Variants in CPQ observed in about 807,000 individuals in gnomAD.
CPQ encodes Ser-Met dipeptidase.
Under a neutral mutation model 45.7 loss-of-function variants are expected in CPQ, and 37 were observed. That is an observed-to-expected ratio of 0.81 (90% CI 0.62 to 1.07). The LOEUF is 1.07. Among genes scored for constraint, CPQ ranks in the 50% least tolerant of loss-of-function variants. The pLI is 0.00. For missense variants in CPQ, 537 were observed against 572.9 expected (o/e 0.94, Z 0.64); for synonymous variants, 186 against 205.8 (o/e 0.90, Z 0.82).
At chr8:96,882,290 G>T (rs1812235120) in intron 4 of CPQ, among the ~76,000 whole-genome samples, 1 of 152,220 alleles carries the variant, frequency 6.6e-6, no homozygotes, top group South Asian at 2.1e-4. Flanking sequence ...TAGAGAAACG[G>T]TGGTTTCAAA....
At chr8:97,001,721 CTTTTTTTTT>C (rs61282246) in intron 5 of CPQ, among the ~76,000 whole-genome samples, 12 of 92,068 alleles carry the variant, frequency 1.3e-4, no homozygotes, top group African/African-American at 2.2e-4. Flanking sequence ...TTCTTTCTTT[CTTTTTTTTT>C]TTTTTTTTTT....
chr8:97,052,895 G>A (rs891690838), intron 6 of CPQ, among the ~76,000 whole-genome samples: 2 of 152,136 alleles, frequency 1.3e-5, no homozygotes, highest in South Asian at 2.1e-4. Context: ...GTAAACATTT[G>A]TATATTATTA....
chr8:96,840,789 A>G (rs898451480), intron 3 of CPQ, among the ~76,000 whole-genome samples: 1 of 152,234 alleles, frequency 6.6e-6, no homozygotes, highest in African/African-American at 2.4e-5. Flanking sequence ...GGGAAGGAGT[A>G]GGGGTCCAAG....
chr8:96,885,399 C>T (rs1255182174), intron 4 of CPQ, among the ~76,000 whole-genome samples: 1 of 152,166 alleles, frequency 6.6e-6, no homozygotes, highest in Non-Finnish European at 1.5e-5. Flanking sequence ...AACACATGAA[C>T]TTTCGGGTGA....
chr8:96,649,977 A>G (rs1365371530), intron 1 of CPQ, among the ~76,000 whole-genome samples: 1 of 152,244 alleles, frequency 6.6e-6, no homozygotes, highest in Non-Finnish European at 1.5e-5. Flanking sequence ...AGGAACAAAG[A>G]TAAGGAAATG....
chr8:97,054,918 T>C (rs927470278), intron 6 of CPQ, among the ~76,000 whole-genome samples: 1 of 152,202 alleles, frequency 6.6e-6, no homozygotes, highest in South Asian at 2.1e-4. Context: ...CCTAAAGTTA[T>C]TGAAATAACA....
At chr8:96,838,067 T>C (rs573006720) in intron 3 of CPQ, among the ~76,000 whole-genome samples, 5 of 152,298 alleles carry the variant, frequency 3.3e-5, no homozygotes, top group African/African-American at 1.2e-4. Flanking sequence ...CACACACTTA[T>C]GAGTTTCTTC....
At chr8:96,723,213 G>T (rs954041901) in intron 1 of CPQ, among the ~76,000 whole-genome samples, 2 of 152,008 alleles carry the variant, frequency 1.3e-5, no homozygotes, top group Non-Finnish European at 2.9e-5. Context: ...AAAAAATTGG[G>T]TCTACTGGTT....
intron 5 of CPQ, among the ~76,000 whole-genome samples, chr8:97,014,633 C>A (rs1433010121): frequency 7.0e-6 from 1 of 143,280 alleles, no homozygotes; most frequent in African/African-American, 2.6e-5. Flanking sequence ...CAGAGGGAGA[C>A]TCCATCTCAA....
intron 1 of CPQ, among the ~76,000 whole-genome samples, chr8:96,697,921 A>G (rs929334251): frequency 1.3e-5 from 2 of 152,168 alleles, no homozygotes; most frequent in African/African-American, 2.4e-5. Flanking sequence ...TAAAATTTCC[A>G]TACTGTCCAA....
At chr8:96,661,639 A>T (rs1815703246) in intron 1 of CPQ, among the ~76,000 whole-genome samples, 1 of 152,092 alleles carries the variant, frequency 6.6e-6, no homozygotes, top group South Asian at 2.1e-4. Flanking sequence ...TTTAGCTCTG[A>T]ATAATATTCC....
chr8:96,660,485 A>G (rs1815687078), intron 1 of CPQ, among the ~76,000 whole-genome samples: 1 of 152,186 alleles, frequency 6.6e-6, no homozygotes, highest in Non-Finnish European at 1.5e-5. Context: ...AATTTAGCCC[A>G]TAACACCGAC....
intron 7 of CPQ, among the ~76,000 whole-genome samples, chr8:97,102,468 G>A (rs182069394): frequency 5.9e-5 from 9 of 152,232 alleles, no homozygotes; most frequent in East Asian, 5.8e-4. Flanking sequence ...AATTGAAGGC[G>A]GCTGCTTTAC....
chr8:97,043,081 T>C (rs1413587183), intron 6 of CPQ, among the ~76,000 whole-genome samples: 5 of 152,014 alleles, frequency 3.3e-5, no homozygotes, highest in African/African-American at 9.7e-5. Flanking sequence ...ATGTTGACAG[T>C]GGGGTGTTAA....
At chr8:97,053,025 A>G (rs1244058613) in intron 6 of CPQ, among the ~76,000 whole-genome samples, 1 of 152,214 alleles carries the variant, frequency 6.6e-6, no homozygotes, top group African/African-American at 2.4e-5. Context: ...ATGTTATTTT[A>G]TCACCAACAT....
chr8:97,126,432 C>T (rs923303137), intron 7 of CPQ, among the ~76,000 whole-genome samples: 6 of 152,240 alleles, frequency 3.9e-5, no homozygotes, highest in Admixed American at 1.3e-4. Context: ...ACCCTCTCTT[C>T]GTGACCTTCC....
At chr8:96,868,605 A>AT (rs1463400527) in intron 3 of CPQ, among the ~76,000 whole-genome samples, 2 of 152,038 alleles carry the variant, frequency 1.3e-5, no homozygotes, top group Non-Finnish European at 2.9e-5. Flanking sequence ...GTAAAGACTG[A>AT]TTTTTTTTAA....
intron 1 of CPQ, among the ~76,000 whole-genome samples, chr8:96,766,456 T>G (rs1810468609): frequency 6.6e-6 from 1 of 152,168 alleles, no homozygotes. Context: ...GGGAAGTGGC[T>G]GGCCCTCTGA....
chr8:96,807,944 T>G (rs568425776), intron 2 of CPQ, among the ~76,000 whole-genome samples: 8 of 152,310 alleles, frequency 5.3e-5, no homozygotes, highest in Non-Finnish European at 8.8e-5. Flanking sequence ...CTAGAGACAA[T>G]GTCAGGGTGA....
Sources: gnomAD v4.1 joint callset for allele counts (sites outside exome capture counted in the v4.1 genomes callset) on GRCh38, gnomAD v4.1.1 for gene constraint, MANE v1.5 for transcripts, NCBI Gene and HGNC (gene_info 2026-07-23, HGNC 2026-07-21) for gene names.